Variants in OLFML1 observed in about 807,000 individuals in gnomAD.
OLFML1 encodes olfactomedin like 1, also known as olfactomedin-like protein 1.
In OLFML1, 33 loss-of-function variants were observed where a neutral mutation model predicts 37.3. The ratio of observed to expected loss-of-function variants is 0.88; its 90% confidence interval spans 0.67 to 1.18. The LOEUF is 1.18. OLFML1 is among the 50% of genes most tolerant of loss of function. The pLI is 0.00. For missense variants in OLFML1, 545 were observed against 483.7 expected (o/e 1.13, Z -1.19); for synonymous variants, 186 against 181.3 (o/e 1.03, Z -0.21).
chr11:7,499,564 A>T (rs1590061081), intron 2 of OLFML1, among the ~76,000 whole-genome samples: 1 of 152,378 alleles, frequency 6.6e-6, no homozygotes, highest in East Asian at 1.9e-4. Flanking sequence ...ACAGCTGGGA[A>T]AAACAAGGTT....
chr11:7,488,058 T>C (rs1848545588), intron 1 of OLFML1, 69 bp from the exon 2 acceptor site: 33 of 1,054,418 alleles, frequency 3.1e-5, no homozygotes, highest in Non-Finnish European at 4.3e-5. Context: ...CTATAAATGA[T>C]AGGTATTTAT....
intron 2 of OLFML1, among the ~76,000 whole-genome samples, chr11:7,502,149 GA>G (rs1338275830): frequency 2.0e-5 from 3 of 152,168 alleles, no homozygotes; most frequent in Non-Finnish European, 4.4e-5. Flanking sequence ...GGAAGATCAA[GA>G]AAAAGAGCAC....
chr11:7,490,010 C>T (rs919761980), intron 2 of OLFML1, among the ~76,000 whole-genome samples: 39 of 151,958 alleles, frequency 2.6e-4, no homozygotes, highest in African/African-American at 9.4e-4. Context: ...TGCTGTGTCT[C>T]CAGTGCCTAG....
intron 2 of OLFML1, among the ~76,000 whole-genome samples, chr11:7,503,277 A>G (rs1848744454): frequency 6.6e-6 from 1 of 152,198 alleles, no homozygotes; most frequent in South Asian, 2.1e-4. Context: ...AGGCCTGAGG[A>G]TAAGAGTATT....
chr11:7,485,930 T>C lies in OLFML1; in HGVS notation c.55T>C (p.Phe19Leu), dbSNP rs778685819. ...ATTGCTGGTTCTGTTCCTTGCAGCT[T>C]TTCTGCCCCCGCCGCAGTGTACCCA... is the stretch of plus-strand genomic sequence containing the variant. ...SALLVLFLAA[F>L]LPPPQCTQDP... is the part of the protein sequence containing the mutation. The change falls in exon 1 of 3, where the codon TTT becomes CTT. Residue 19 changes from phenylalanine (F) to leucine (L), a missense_variant. Coordinates refer to ENST00000329293, the MANE Select transcript of OLFML1 (RefSeq NM_198474.4). 1.9e-6 allele frequency: 3 copies of C among 1,613,992 alleles called. No homozygotes were observed. Among genetic ancestry groups the C allele is most frequent in the Non-Finnish European group, 2.5e-6 (3 of 1,179,946 alleles).
intron 1 of OLFML1, among the ~76,000 whole-genome samples, chr11:7,486,451 C>A (rs1327021685): frequency 6.6e-6 from 1 of 152,102 alleles, no homozygotes; most frequent in Non-Finnish European, 1.5e-5. Flanking sequence ...TTCAGCTTTT[C>A]GTTTTGTCTT....
chr11:7,507,395 G>A (rs907555145), intron 2 of OLFML1, among the ~76,000 whole-genome samples: 2 of 152,122 alleles, frequency 1.3e-5, no homozygotes, highest in Admixed American at 6.5e-5. Flanking sequence ...ACTCCTGCTC[G>A]CAAACTTCAG....
chr11:7,495,514 A>C (rs896446812), intron 2 of OLFML1, among the ~76,000 whole-genome samples: 6 of 152,124 alleles, frequency 3.9e-5, no homozygotes, highest in Admixed American at 3.9e-4. Flanking sequence ...CAACAATTGA[A>C]CACAGCAACT....
intron 1 of OLFML1, among the ~76,000 whole-genome samples, chr11:7,487,891 C>T (rs527316828): frequency 1.6e-4 from 24 of 152,076 alleles, no homozygotes; most frequent in African/African-American, 5.8e-4. Context: ...AGTAAAATCA[C>T]ATTTTAAAAA....
At chr11:7,506,709 G>T (rs1220293324) in intron 2 of OLFML1, among the ~76,000 whole-genome samples, 1 of 152,182 alleles carries the variant, frequency 6.6e-6, no homozygotes, top group Non-Finnish European at 1.5e-5. Context: ...ACTCATCCTA[G>T]GCCAGGGACT....
chr11:7,500,969 G>A (rs529965117), intron 2 of OLFML1, among the ~76,000 whole-genome samples: 18 of 152,286 alleles, frequency 1.2e-4, no homozygotes, highest in Admixed American at 7.8e-4. Flanking sequence ...TATGTCAGAT[G>A]TATCTGTCAG....
chr11:7,487,420 T>C (rs1479307275), intron 1 of OLFML1, among the ~76,000 whole-genome samples: 3 of 152,274 alleles, frequency 2.0e-5, no homozygotes, highest in African/African-American at 4.8e-5. Context: ...GTTTGGAGCA[T>C]ACATTTTTAC....
At chr11:7,492,500 C>T (rs187543737) in intron 2 of OLFML1, among the ~76,000 whole-genome samples, 3 of 152,178 alleles carry the variant, frequency 2.0e-5, no homozygotes, top group Non-Finnish European at 4.4e-5. Flanking sequence ...TAGTACTAAT[C>T]TTAATGGTTC....
intron 2 of OLFML1, among the ~76,000 whole-genome samples, chr11:7,492,941 G>T (rs1848616349): frequency 6.6e-6 from 1 of 152,058 alleles, no homozygotes; most frequent in Admixed American, 6.5e-5. Flanking sequence ...AAGATTAAGT[G>T]GTGTCTTAAT....
chr11:7,487,660 CTGA>C (rs1442774344), intron 1 of OLFML1, among the ~76,000 whole-genome samples: 1 of 151,922 alleles, frequency 6.6e-6, no homozygotes, highest in East Asian at 1.9e-4. Flanking sequence ...CCTTAATAAT[CTGA>C]TGAAGATGTA....
At position 7,510,393 on chromosome 11, in the gene OLFML1, T is replaced by C. The variant is rs1848846616; in HGVS notation, c.*205T>C. 3 of 539,784 alleles carry C rather than the reference T, an allele frequency of 5.6e-6. No individual in the cohort carries two copies. Among genetic ancestry groups the C allele is most frequent in the East Asian group, 3.0e-5 (1 of 33,870 alleles). The allele number at this position is 539,784 out of a possible 1,614,324, so 33.4% of individuals were successfully genotyped here. A position where few individuals can be genotyped will look rare whatever the true frequency, so the allele number is the denominator to read the frequency against. ...AGATGAGAGCATATCATCAGGAAAGTTTCAACAATGTCCATTACTCCCCCA... is the reference window on the plus strand; with the variant it reads ...AGATGAGAGCATATCATCAGGAAAGCTTCAACAATGTCCATTACTCCCCCA... On this transcript the variant is annotated 3_prime_UTR_variant, in exon 3 of 3. Coordinates refer to ENST00000329293, the MANE Select transcript of OLFML1 (RefSeq NM_198474.4).
intron 2 of OLFML1, among the ~76,000 whole-genome samples, chr11:7,504,585 G>A (rs1848761779): frequency 6.6e-6 from 1 of 152,168 alleles, no homozygotes; most frequent in Admixed American, 6.5e-5. Flanking sequence ...GGCAGGAGAT[G>A]ATGTAGTTCT....
chr11:7,491,051 T>C (rs1315270000), intron 2 of OLFML1, among the ~76,000 whole-genome samples: 1 of 151,958 alleles, frequency 6.6e-6, no homozygotes, highest in Non-Finnish European at 1.5e-5. Flanking sequence ...TCCCATAACT[T>C]ACCCAAATGC....
rs370407338 is a variant in OLFML1 at position 7,487,260 on chromosome 11, C to G, written c.130-867C>G. ...GCAGGTGGCAGTCACTGTTGGCCAG[C>G]GCAGACACTTAACAATACAGTGATA... On this transcript the variant is annotated intron_variant, in intron 1 of 2. Coordinates refer to ENST00000329293, the MANE Select transcript of OLFML1 (RefSeq NM_198474.4). Among the ~76,000 whole-genome samples, 6 of 152,156 alleles carry G rather than the reference C, an allele frequency of 3.9e-5. No homozygotes were observed. In the East Asian group the frequency reaches 1.2e-3, roughly 29 times the overall value.
Sources: gnomAD v4.1 joint callset for allele counts (sites outside exome capture counted in the v4.1 genomes callset) on GRCh38, gnomAD v4.1.1 for gene constraint, MANE v1.5 for transcripts, NCBI Gene and HGNC (gene_info 2026-07-23, HGNC 2026-07-21) for gene names.